TBCE: variants seen among roughly 807,000 people sequenced by gnomAD.
The protein encoded by TBCE is tubulin folding cofactor E.
In TBCE, 53 loss-of-function variants were observed where a neutral mutation model predicts 77.0. The ratio of observed to expected loss-of-function variants is 0.69; its 90% CI spans 0.55 to 0.87. The LOEUF (loss-of-function observed/expected upper bound fraction) is 0.87. Ranked by LOEUF, TBCE falls within the 40% of genes least tolerant of loss-of-function variation. The pLI, the probability that TBCE is intolerant of heterozygous loss-of-function variation, is 0.00. For synonymous variants in TBCE, 235 were observed against 241.3 expected, an observed-to-expected ratio of 0.97 and a Z score of 0.24; for missense variants, 624 against 622.4, an observed-to-expected ratio of 1.00 and a Z score of -0.03.
In TBCE at chr1:235,450,286, G is replaced by A. The variant is rs367543077; in HGVS notation, c.*1524G>A. ...TCCGTCAGTTCCCACGGAGAATACTGAGGAGAAGACAGCATTCCTGTCTCA... is the reference window on the plus strand; with the variant it reads ...TCCGTCAGTTCCCACGGAGAATACTAAGGAGAAGACAGCATTCCTGTCTCA... On this transcript the variant is annotated 3_prime_UTR_variant, in exon 17 of 17. Coordinates refer to ENST00000642610, the MANE Select transcript of TBCE (RefSeq NM_003193.5). The A allele has an allele frequency of 6.2e-7, 1 of 1,613,876 alleles. No homozygotes were observed. The highest frequency in any genetic ancestry group is 8.5e-7 in the Non-Finnish European group (1 of 1,179,768).
At chr1:235,379,292 C>T (rs1298208844) in intron 1 of TBCE, among the ~76,000 whole-genome samples, 1 of 152,082 alleles carries the variant, frequency 6.6e-6, no homozygotes, top group Admixed American at 6.6e-5. Flanking sequence ...CTTTGGGAGG[C>T]AGAGGAGGGT....
At chr1:235,427,404 G>A (rs2102906630) in intron 6 of TBCE, among the ~76,000 whole-genome samples, 165 bp downstream of exon 6, 1 of 152,272 alleles carries the variant, frequency 6.6e-6, no homozygotes, top group East Asian at 1.9e-4. Context: ...TGAGGGTATG[G>A]AAGTCCTCAG....
intron 2 of TBCE, among the ~76,000 whole-genome samples, chr1:235,386,619 G>A (rs1233537983): frequency 1.3e-5 from 2 of 152,088 alleles, no homozygotes; most frequent in Middle Eastern, 3.4e-3. Context: ...CATTCTTCAC[G>A]TAGTTCTTGA....
intron 2 of TBCE, among the ~76,000 whole-genome samples, chr1:235,383,985 T>C (rs1362550862): frequency 2.7e-4 from 41 of 152,232 alleles, no homozygotes; most frequent in African/African-American, 9.4e-4. Flanking sequence ...TTTTGAGATA[T>C]GTCCCATCAA....
chr1:235,434,134 G>A, intron 7 of TBCE, 70 bp from the exon 8 acceptor site: 1 of 1,369,536 alleles, frequency 7.3e-7, no homozygotes, highest in Non-Finnish European at 1.0e-6. Flanking sequence ...TCTTGTGGTG[G>A]TTCCTATGAA....
intron 3 of TBCE, among the ~76,000 whole-genome samples, chr1:235,411,470 G>C (rs559453830): frequency 6.6e-6 from 1 of 152,280 alleles, no homozygotes; most frequent in East Asian, 1.9e-4. Context: ...CCTTTCTGTG[G>C]TTCGCCAGAA....
At chr1:235,397,500 A>G (rs1678814748) in intron 2 of TBCE, among the ~76,000 whole-genome samples, 1 of 152,210 alleles carries the variant, frequency 6.6e-6, no homozygotes, top group Non-Finnish European at 1.5e-5. Context: ...GGCGTAAGCC[A>G]CCGCGTCCGG....
intron 12 of TBCE, 101 bp downstream of exon 12, chr1:235,437,575 G>T (rs1206306804): frequency 5.1e-6 from 7 of 1,380,386 alleles, no homozygotes; most frequent in Non-Finnish European, 7.0e-6. Flanking sequence ...ACTTTGGGAG[G>T]CTGGGGCAGG....
intron 16 of TBCE, 21 bp downstream of exon 16, chr1:235,448,461 C>G (rs920464068): frequency 1.9e-6 from 3 of 1,604,868 alleles, no homozygotes; most frequent in Non-Finnish European, 2.6e-6. Flanking sequence ...CAGCAAAATA[C>G]AAAGTCAAAG....
intron 4 of TBCE, 152 bp downstream of exon 4, chr1:235,414,770 G>T (rs1009854144): frequency 2.7e-6 from 2 of 732,936 alleles, no homozygotes; most frequent in African/African-American, 1.8e-5. Context: ...AGGAATCCAA[G>T]AATTATTTAG....
intron 11 of TBCE, 59 bp downstream of exon 11, chr1:235,436,667 A>T: frequency 6.7e-7 from 1 of 1,482,360 alleles, no homozygotes; most frequent in South Asian, 1.1e-5. Context: ...CTCATGGCAG[A>T]GTTTGGAGGT....
intron 6 of TBCE, chr1:235,430,284 G>A (rs1022268574): frequency 5.5e-5 from 9 of 165,064 alleles, no homozygotes; most frequent in African/African-American, 1.7e-4. Context: ...CATAGCCAAA[G>A]GGCAGACTCT....
chr1:235,428,683 C>A (rs1245799490), intron 6 of TBCE, among the ~76,000 whole-genome samples: 2 of 146,310 alleles, frequency 1.4e-5, no homozygotes, highest in Non-Finnish European at 3.0e-5. Context: ...CTCGCCCTGT[C>A]GCCAGGCTGG....
intron 8 of TBCE, among the ~76,000 whole-genome samples, chr1:235,434,686 G>T (rs1454209549): frequency 6.6e-6 from 1 of 151,848 alleles, no homozygotes; most frequent in Admixed American, 6.6e-5. Context: ...ATAGGTGCCT[G>T]CCACCATGCC....
chr1:235,427,799 G>A (rs951133905), intron 6 of TBCE, among the ~76,000 whole-genome samples: 4 of 152,246 alleles, frequency 2.6e-5, no homozygotes, highest in African/African-American at 7.2e-5. Context: ...GGGAGTCTGA[G>A]GCAGGCGGAT....
intron 13 of TBCE, chr1:235,441,571 G>C: frequency 1.9e-6 from 1 of 539,322 alleles, no homozygotes; most frequent in African/African-American, 1.9e-5. Context: ...AGTTTCACTG[G>C]TCATTAACAA....
Position 235,438,857 on chromosome 1 carries a change from C to T in TBCE, c.1205C>T (p.Pro402Leu), listed in dbSNP as rs755952108. The T allele has an allele frequency of 1.5e-5, 25 of 1,614,050 alleles. No individual in the cohort carries two copies. Among genetic ancestry groups the T allele is most frequent in the African/African-American group, 5.3e-5 (4 of 74,998 alleles). The change falls in exon 13 of 17, where the codon CCG becomes CTG. Residue 402 changes from proline to leucine, a missense_variant. Coordinates refer to ENST00000642610, the MANE Select transcript of TBCE (RefSeq NM_003193.5). ...EWKQAGGHKD[P>L]EKNRLSEEFL... is the part of the protein sequence containing the mutation. ...AAACAGGCTGGTGGACATAAGGATC[C>T]GGAAAAAAACAGACTCAGCGAAGAA...
intron 2 of TBCE, among the ~76,000 whole-genome samples, chr1:235,388,283 C>CTTTTTTT (rs908940784): frequency 3.4e-5 from 4 of 117,328 alleles, no homozygotes; most frequent in East Asian, 2.4e-4. Flanking sequence ...TCTGTTACTT[C>CTTTTTTT]TTTTTTTTTT....
At chr1:235,433,028 A>G (rs1024009192) in intron 7 of TBCE, 1 of 1,544,130 alleles carries the variant, frequency 6.5e-7, no homozygotes, top group Non-Finnish European at 8.7e-7. Context: ...TGCGTGCTGC[A>G]GAAATGCTCC....
Sources: allele counts gnomAD v4.1 joint callset (sites outside exome capture counted in the v4.1 genomes callset), GRCh38; gene constraint gnomAD v4.1.1; transcripts MANE v1.5; gene names NCBI Gene and HGNC (gene_info 2026-07-23, HGNC 2026-07-21).